ABCC5: variants seen among roughly 807,000 people sequenced by gnomAD.
The protein encoded by ABCC5 is ATP-binding cassette sub-family C member 5.
Under a neutral mutation model 160.9 loss-of-function variants are expected in ABCC5, and 61 were observed. That is an observed-to-expected ratio of 0.38 (90% CI 0.31 to 0.47). The LOEUF (loss-of-function observed/expected upper bound fraction) is 0.47. Ranked by LOEUF, ABCC5 falls within the 20% of genes least tolerant of loss-of-function variation. The pLI is 0.99. For missense variants in ABCC5, 1,308 were observed against 1,813.3 expected (o/e 0.72, Z 5.06); for synonymous variants, 666 against 700.6 (o/e 0.95, Z 0.78).
chr3:183,946,679 T>C (rs1714876859), intron 23 of ABCC5, among the ~76,000 whole-genome samples: 1 of 152,088 alleles, frequency 6.6e-6, no homozygotes, highest in South Asian at 2.1e-4. Context: ...CCCATATTAT[T>C]TGGAAGCAAA....
rs199530795 is a variant in ABCC5, at chr3:183,987,965, C to T, written c.444-48G>A. On this transcript the variant is annotated intron_variant, in intron 4 of 29. Transcript: ENST00000334444. This position sits in a 1 kb window ranked among gnomAD's most constrained non-coding sequence, Gnocchi z 4.2. Reference sequence around the variant, plus strand: ...GTTACACATCTCCTCGGGGGAAAGGCACACCTAGCTCCCCGCCTGCCACCA... The same window carrying T: ...GTTACACATCTCCTCGGGGGAAAGGTACACCTAGCTCCCCGCCTGCCACCA... The T allele has an allele frequency of 3.1e-6, 5 of 1,596,626 alleles. No homozygotes were observed. Among genetic ancestry groups the T allele is most frequent in the Non-Finnish European group, 3.4e-6 (4 of 1,170,466 alleles).
chr3:183,963,710 T>C lies in ABCC5; in HGVS notation c.2032-122A>G, dbSNP rs1164781166. On this transcript the variant is annotated intron_variant, in intron 14 of 29. Transcript: ENST00000334444. The surrounding 1 kb of genome is among the most constrained non-coding windows in gnomAD (Gnocchi z 4.6). ...GCTCCTTCTGTCAATTCCCCGCAGA[T>C]GAACTGCCATGCTGATTCCCCGCAG... 6.0e-6 allele frequency: 5 copies of C among 838,790 alleles called. No individual in the cohort carries two copies. The highest frequency in any genetic ancestry group is 8.7e-6 in the Non-Finnish European group (5 of 571,544). The allele number at this position is 838,790 out of a possible 1,614,324, so 52.0% of individuals were successfully genotyped here.
chr3:183,946,813 T>C (rs1039473186), intron 23 of ABCC5, among the ~76,000 whole-genome samples: 1 of 152,196 alleles, frequency 6.6e-6, no homozygotes, highest in Non-Finnish European at 1.5e-5. Flanking sequence ...CATCTTAAAA[T>C]ATCTAGTCAG....
intron 17 of ABCC5, among the ~76,000 whole-genome samples, chr3:183,957,108 G>A (rs751845564): frequency 0.051 from 2,086 of 40,676 alleles, 302 homozygotes; most frequent in Non-Finnish European, 0.074. Flanking sequence ...TTACATGCGG[G>A]TCCGTGTGTA....
chr3:184,014,272 T>TTCTCCTGA lies in ABCC5; in HGVS notation c.113_120dup (p.Thr41SerfsTer48), dbSNP rs1428522594. On this transcript the variant is annotated frameshift_variant, in exon 2 of 30. Coordinates refer to ENST00000334444, the MANE Select transcript of ABCC5 (RefSeq NM_005688.4). LOFTEE classifies it high-confidence loss of function. ...TAGGAAAGGAAACTGACCGGTCGAG[T>TTCTCCTGA]TCTCCTGAACTTGGAATCTTCACGG... The TTCTCCTGA allele has an allele frequency of 6.2e-7, 1 of 1,613,242 alleles. No individual in the cohort carries two copies. The highest frequency in any genetic ancestry group is 8.5e-7 in the Non-Finnish European group (1 of 1,179,748).
intron 25 of ABCC5, chr3:183,942,342 G>A (rs1229867774): frequency 4.4e-6 from 2 of 458,958 alleles, no homozygotes; most frequent in Non-Finnish European, 8.7e-6. Flanking sequence ...CCTACTGATA[G>A]TTTTAAAAGA....
chr3:183,924,383 CTA>C (rs1003773894), intron 29 of ABCC5, among the ~76,000 whole-genome samples: 24 of 152,254 alleles, frequency 1.6e-4, no homozygotes, highest in African/African-American at 4.8e-4. Context: ...AGAATCCAGG[CTA>C]TGTCTTTCTC....
Position 183,981,777 on chromosome 3 carries a change from T to C in ABCC5, c.1097A>G (p.Lys366Arg). 6.2e-7 allele frequency: 1 copy of C among 1,609,650 alleles called. No homozygotes were observed. The highest frequency in any genetic ancestry group is 8.5e-7 in the Non-Finnish European group (1 of 1,178,928). ...QKMNEVLTYI[K>R]FIKMYAWVKA... is the part of the protein sequence containing the mutation. ...GACCCAGGCATACATTTTGATAAAT[T>C]TAATGTAAGTAAGAACTTCATTCAT... The change falls in exon 8 of 30, where the codon AAA becomes AGA. Residue 366 changes from lysine (K) to arginine (R), a missense_variant. Coordinates refer to ENST00000334444, the MANE Select transcript of ABCC5 (RefSeq NM_005688.4).
intron 12 of ABCC5, among the ~76,000 whole-genome samples, chr3:183,966,578 G>T (rs1356739750): frequency 6.6e-6 from 1 of 152,116 alleles, no homozygotes; most frequent in African/African-American, 2.4e-5. Flanking sequence ...CTTACGAATT[G>T]ACCTTTTCTT....
At chr3:183,970,726 C>T (rs1717661933) in intron 11 of ABCC5, among the ~76,000 whole-genome samples, 5 of 152,158 alleles carry the variant, frequency 3.3e-5, no homozygotes, top group African/African-American at 4.8e-5. Context: ...CATGAGCCAC[C>T]ATGCCCAGCC....
At chr3:183,984,501 T>C (rs909928559) in intron 5 of ABCC5, 4 of 1,095,028 alleles carry the variant, frequency 3.7e-6, no homozygotes, top group Non-Finnish European at 3.3e-6. Flanking sequence ...CCAGACTCTC[T>C]CTGGGTTAAT....
At chr3:183,937,269 C>T (rs574728124) in intron 26 of ABCC5, among the ~76,000 whole-genome samples, 1 of 152,222 alleles carries the variant, frequency 6.6e-6, no homozygotes, top group South Asian at 2.1e-4. Flanking sequence ...CCCAGCTATT[C>T]GGGAGGCTGT....
Position 183,951,146 on chromosome 3 carries a change from A to G in ABCC5, c.2944+295T>C, listed in dbSNP as rs1035326858. 6.6e-6 allele frequency among the ~76,000 whole-genome samples: 1 copy of G among 152,246 alleles called. No homozygotes were observed. The highest frequency in any genetic ancestry group is 2.4e-5 in the African/African-American group (1 of 41,470). On this transcript the variant is annotated intron_variant, in intron 20 of 29. Transcript: ENST00000334444. This position sits in a 1 kb window ranked among gnomAD's most constrained non-coding sequence, Gnocchi z 4.7. Reference sequence around the variant, plus strand: ...TGCAGGCACAGCCCATACAACAGCCAGAAAACCTGCCAGGTTGTAGGCATC... The same window carrying G: ...TGCAGGCACAGCCCATACAACAGCCGGAAAACCTGCCAGGTTGTAGGCATC...
rs559667905 is a variant in ABCC5, at chr3:183,924,757, T to C, written c.4212+798A>G. Among the ~76,000 whole-genome samples the C allele has an allele frequency of 5.3e-5, 8 of 152,224 alleles. No homozygotes were observed. In the South Asian group the frequency reaches 1.5e-3, roughly 28 times the overall value. ...CTAGGGAGACAGGGCATTGCACAAT[T>C]CCTATCAACTGAGACAGAAGAGCTA... On this transcript the variant is annotated intron_variant, in intron 29 of 29. Transcript: ENST00000334444.
chr3:183,987,933 C>G lies in ABCC5; in HGVS notation c.444-16G>C. On this transcript the variant is annotated splice_polypyrimidine_tract_variant and intron_variant, in intron 4 of 29. Coordinates refer to ENST00000334444, the MANE Select transcript of ABCC5 (RefSeq NM_005688.4). The surrounding 1 kb of genome is among the most constrained non-coding windows in gnomAD (Gnocchi z 4.2). Reference sequence around the variant, plus strand: ...TCTCTCTAGTCTTAACAAGGGCACACGTCCTCGTTACACATCTCCTCGGGG... The same window carrying G: ...TCTCTCTAGTCTTAACAAGGGCACAGGTCCTCGTTACACATCTCCTCGGGG... The G allele has an allele frequency of 6.2e-7, 1 of 1,612,456 alleles. No individual in the cohort carries two copies. Among genetic ancestry groups the G allele is most frequent in the Admixed American group, 1.7e-5 (1 of 59,996 alleles).
At chr3:183,984,160 G>A (rs1341021166) in intron 5 of ABCC5, 1 of 985,308 alleles carries the variant, frequency 1.0e-6, no homozygotes, top group Admixed American at 6.2e-5. Flanking sequence ...TGGTGCTACT[G>A]GTGCACTAAG....
chr3:184,008,318 G>A (rs899584220), intron 2 of ABCC5, among the ~76,000 whole-genome samples: 2 of 152,150 alleles, frequency 1.3e-5, no homozygotes, highest in African/African-American at 4.8e-5. Flanking sequence ...ATCTACATGT[G>A]CATATATAAA....
chr3:183,991,334 A>C (rs968761504), intron 2 of ABCC5, among the ~76,000 whole-genome samples: 1 of 152,038 alleles, frequency 6.6e-6, no homozygotes, highest in African/African-American at 2.4e-5. Context: ...CAAACAAACA[A>C]ACAAAAAAAC....
intron 25 of ABCC5, among the ~76,000 whole-genome samples, chr3:183,939,719 G>A (rs1714102915): frequency 1.3e-5 from 2 of 152,184 alleles, no homozygotes; most frequent in Admixed American, 6.5e-5. Context: ...TCTCTCTACA[G>A]AGCCAAAAAG....
Sources: allele counts gnomAD v4.1 joint callset (sites outside exome capture counted in the v4.1 genomes callset), GRCh38; gene constraint gnomAD v4.1.1; non-coding constraint Gnocchi (gnomAD v3.1); transcripts MANE v1.5; gene names NCBI Gene and HGNC (gene_info 2026-07-23, HGNC 2026-07-21).